Variants in GALNT12 observed in about 807,000 individuals in gnomAD.
The protein encoded by GALNT12 is polypeptide N-acetylgalactosaminyltransferase 12, also known as UDP-GalNAc:polypeptide N-acetylgalactosaminyltransferase 12.
Under a neutral mutation model 55.5 loss-of-function variants are expected in GALNT12, and 45 were observed. That is an observed-to-expected ratio of 0.81 (90% CI 0.64 to 1.04). The LOEUF (loss-of-function observed/expected upper bound fraction) is 1.04. GALNT12 is among the 50% of genes least tolerant of loss of function. The probability of loss-of-function intolerance (pLI) is 0.00; values close to 1 mark genes in which losing one functional copy is unlikely to be tolerated. For missense variants in GALNT12, 709 were observed against 754.8 expected (o/e 0.94, Z 0.71); for synonymous variants, 304 against 312.2 (o/e 0.97, Z 0.28).
In GALNT12 at chr9:98,826,807, G is replaced by C. The variant is rs774413342; in HGVS notation, c.597G>C (p.Leu199=). 1 of 1,612,100 alleles carries C rather than the reference G, an allele frequency of 6.2e-7. No homozygotes were observed. Among genetic ancestry groups the C allele is most frequent in the South Asian group, 1.1e-5 (1 of 90,716 alleles). ...NELSGLPKVR[L]IRANKREGLV... ...TTTCGGGACTGCCCAAGGTGCGCCT[G>C]ATCCGCGCCAACAAGAGAGAGGGCC... The change falls in exon 3 of 10, where the codon CTG becomes CTC. Residue 199 remains leucine, a synonymous_variant. Transcript: ENST00000375011.
chr9:98,826,578 A>G (rs1399929579), intron 2 of GALNT12, among the ~76,000 whole-genome samples, 174 bp from the exon 3 acceptor site: 1 of 152,076 alleles, frequency 6.6e-6, no homozygotes, highest in African/African-American at 2.4e-5. Flanking sequence ...CCTTCGGAGC[A>G]CTTCCAACCT....
chr9:98,815,502 A>G (rs1035457686), intron 1 of GALNT12, among the ~76,000 whole-genome samples: 4 of 152,210 alleles, frequency 2.6e-5, no homozygotes, highest in Non-Finnish European at 5.9e-5. Flanking sequence ...GTCAAGGGGC[A>G]TTGGTATTGA....
chr9:98,833,217 G>T (rs1201599331), intron 4 of GALNT12, among the ~76,000 whole-genome samples: 1 of 152,160 alleles, frequency 6.6e-6, no homozygotes, highest in African/African-American at 2.4e-5. Context: ...ACAGATGTGG[G>T]AGTTGGGCAG....
At chr9:98,809,710 A>C (rs1245813199) in intron 1 of GALNT12, among the ~76,000 whole-genome samples, 2 of 152,218 alleles carry the variant, frequency 1.3e-5, no homozygotes, top group Non-Finnish European at 2.9e-5. Flanking sequence ...GTTGCCAAGA[A>C]TGTACTCAAG....
chr9:98,817,024 C>T (rs1835628036), intron 1 of GALNT12, among the ~76,000 whole-genome samples: 1 of 152,216 alleles, frequency 6.6e-6, no homozygotes, highest in South Asian at 2.1e-4. Context: ...GACGGGGTTT[C>T]ACCTTGTTAG....
chr9:98,816,817 A>ATTT (rs35357602), intron 1 of GALNT12, among the ~76,000 whole-genome samples: 1 of 73,102 alleles, frequency 1.4e-5, no homozygotes, highest in Non-Finnish European at 2.7e-5. Context: ...TGTCCAGCTA[A>ATTT]TTTTTTTTTT....
intron 1 of GALNT12, among the ~76,000 whole-genome samples, chr9:98,810,421 A>G (rs566768745): frequency 6.6e-6 from 1 of 152,128 alleles, no homozygotes; most frequent in Non-Finnish European, 1.5e-5. Context: ...GTTTATTTTA[A>G]TTATGAAAGC....
Position 98,835,324 on chromosome 9 carries a change from A to C in GALNT12, c.993A>C (p.Gly331=). 1 of 1,613,794 alleles carries C rather than the reference A, an allele frequency of 6.2e-7. No homozygotes were observed. The highest frequency in any genetic ancestry group is 1.1e-5 in the South Asian group (1 of 91,076). The change falls in exon 5 of 10, where the codon GGA becomes GGC. Residue 331 remains glycine, a synonymous_variant. Coordinates refer to ENST00000375011, the MANE Select transcript of GALNT12 (RefSeq NM_024642.5). ...YFEYLGSYDT[G]MEVWGGENLE... ...AATATCTGGGGTCTTATGATACAGGAATGGAAGTTTGGGGAGGAGAAAACC... is the reference window on the plus strand; with the variant it reads ...AATATCTGGGGTCTTATGATACAGGCATGGAAGTTTGGGGAGGAGAAAACC...
At chr9:98,840,707 C>T (rs1487493897) in intron 7 of GALNT12, among the ~76,000 whole-genome samples, 3 of 152,162 alleles carry the variant, frequency 2.0e-5, no homozygotes, top group Non-Finnish European at 4.4e-5. Flanking sequence ...ATTCATGTTA[C>T]ATTCTATTTT....
chr9:98,825,558 A>G (rs1485838969), intron 2 of GALNT12, among the ~76,000 whole-genome samples: 1 of 152,244 alleles, frequency 6.6e-6, no homozygotes, highest in East Asian at 1.9e-4. Context: ...AAGATCCATC[A>G]CGAGTGCAGG....
At chr9:98,815,391 G>A (rs1024055272) in intron 1 of GALNT12, among the ~76,000 whole-genome samples, 2 of 152,184 alleles carry the variant, frequency 1.3e-5, no homozygotes, top group African/African-American at 4.8e-5. Context: ...GATAGACTAG[G>A]CTAGGCTGTG....
intron 6 of GALNT12, among the ~76,000 whole-genome samples, chr9:98,839,570 A>G (rs1836237079): frequency 6.6e-6 from 1 of 152,234 alleles, no homozygotes; most frequent in South Asian, 2.1e-4. Flanking sequence ...ATATTCAGAT[A>G]TTAGTAGTAA....
intron 1 of GALNT12, among the ~76,000 whole-genome samples, chr9:98,813,260 A>G (rs1411569868): frequency 6.6e-6 from 1 of 152,230 alleles, no homozygotes; most frequent in Non-Finnish European, 1.5e-5. Flanking sequence ...ATTTGAAGGT[A>G]TTATTCCCTT....
intron 3 of GALNT12, among the ~76,000 whole-genome samples, 161 bp downstream of exon 3, chr9:98,827,102 G>C (rs1835875800): frequency 6.6e-6 from 1 of 152,224 alleles, no homozygotes; most frequent in African/African-American, 2.4e-5. Context: ...CGGCTGTTGA[G>C]ACCGTTAAAT....
chr9:98,848,942 T>A lies in GALNT12; in HGVS notation c.1606-10T>A. ...TGATGACTTGCCTGTCATTCTGTTA[T>A]CTTTTGTAGGATGGATCTTTATTTC... On this transcript the variant is annotated splice_polypyrimidine_tract_variant and intron_variant, in intron 9 of 9. Transcript: ENST00000375011. 6.2e-7 allele frequency: 1 copy of A among 1,614,222 alleles called. No individual in the cohort carries two copies. Among genetic ancestry groups the A allele is most frequent in the Non-Finnish European group, 8.5e-7 (1 of 1,180,034 alleles).
chr9:98,835,444 C>A, intron 5 of GALNT12, 78 bp downstream of exon 5: 2 of 874,738 alleles, frequency 2.3e-6, no homozygotes, highest in Non-Finnish European at 4.0e-6. Flanking sequence ...GCTGTAAGAG[C>A]CTGGTGGACC....
intron 1 of GALNT12, among the ~76,000 whole-genome samples, chr9:98,818,918 T>G (rs184732800): frequency 1.5e-4 from 23 of 152,324 alleles, no homozygotes; most frequent in Non-Finnish European, 3.4e-4. Context: ...ACTTGGGACT[T>G]TGATCCCCTG....
intron 3 of GALNT12, among the ~76,000 whole-genome samples, chr9:98,828,061 T>C (rs1588447501): frequency 6.6e-6 from 1 of 152,238 alleles, no homozygotes; most frequent in East Asian, 1.9e-4. Context: ...GCTCCCCAGG[T>C]GGGAGAGGAA....
chr9:98,827,414 T>C (rs567181257), intron 3 of GALNT12, among the ~76,000 whole-genome samples: 3 of 152,258 alleles, frequency 2.0e-5, no homozygotes, highest in Non-Finnish European at 4.4e-5. Flanking sequence ...TTGGTCAGGC[T>C]GGTCTCAAAC....
Sources: gnomAD v4.1 joint callset for allele counts (sites outside exome capture counted in the v4.1 genomes callset) on GRCh38, gnomAD v4.1.1 for gene constraint, MANE v1.5 for transcripts, NCBI Gene and HGNC (gene_info 2026-07-23, HGNC 2026-07-21) for gene names.